The following TMEM126B variants were observed in gnomAD, a reference collection of about 807,000 sequenced individuals.
TMEM126B encodes complex I assembly factor TMEM126B, mitochondrial.
Under a neutral mutation model 16.5 loss-of-function variants are expected in TMEM126B, and 19 were observed. That is an observed-to-expected ratio of 1.15 (90% CI 0.80 to 1.69). The LOEUF is 1.69. Among genes scored for constraint, TMEM126B ranks in the 40% most tolerant of loss-of-function variants. The pLI is 0.00. For synonymous variants in TMEM126B, 104 were observed against 93.2 expected, an observed-to-expected ratio of 1.12 and a Z score of -0.67; for missense variants, 293 against 278.7, an observed-to-expected ratio of 1.05 and a Z score of -0.37.
chr11:85,635,818 TTTC>T (rs749661167), intron 4 of TMEM126B, 40 bp downstream of exon 4: 23 of 1,330,886 alleles, frequency 1.7e-5, no homozygotes, highest in Admixed American at 2.5e-5. Context: ...TTTCTTTTCT[TTTC>T]TTTTTTTTTT....
intron 2 of TMEM126B, among the ~76,000 whole-genome samples, chr11:85,633,169 A>G (rs1372110517): frequency 2.0e-5 from 3 of 152,174 alleles, no homozygotes; most frequent in South Asian, 4.1e-4. Flanking sequence ...TCCATGGTGT[A>G]TATGTGCCAC....
chr11:85,630,787 G>T (rs2082281647), intron 1 of TMEM126B, among the ~76,000 whole-genome samples: 1 of 152,210 alleles, frequency 6.6e-6, no homozygotes, highest in Non-Finnish European at 1.5e-5. Flanking sequence ...TCTGGGGCCG[G>T]GCACGGTGGC....
chr11:85,631,843 T>G (rs780397560), intron 2 of TMEM126B, 35 bp downstream of exon 2: 67 of 1,570,910 alleles, frequency 4.3e-5, no homozygotes, highest in Non-Finnish European at 5.5e-5. Context: ...ATCAGTCATT[T>G]TATTTGCAAG....
intron 1 of TMEM126B, among the ~76,000 whole-genome samples, chr11:85,630,207 G>C (rs1206833737): frequency 6.6e-6 from 1 of 152,186 alleles, no homozygotes; most frequent in Non-Finnish European, 1.5e-5. Flanking sequence ...TCTCAGGAGG[G>C]AATTCATGAG....
chr11:85,634,345 T>C (rs757366883), intron 3 of TMEM126B, 66 bp downstream of exon 3: 1 of 1,112,382 alleles, frequency 9.0e-7, no homozygotes, highest in Non-Finnish European at 1.3e-6. Flanking sequence ...TAACATATAC[T>C]GTTGCTACTG....
rs1287379322 is a variant in TMEM126B at position 85,636,239 on chromosome 11, T to C, written c.*10T>C. The stretch of plus-strand genomic sequence containing the variant: ...TATACATGAAGAGTAACCAAAAAAA[T>C]GAATGGTTGCTAACTTAGCAAAATG... On this transcript the variant is annotated 3_prime_UTR_variant, in exon 5 of 5. Transcript: ENST00000358867. 1 of 1,465,282 alleles carries C rather than the reference T, an allele frequency of 6.8e-7. No homozygotes were observed. Among genetic ancestry groups the C allele is most frequent in the African/African-American group, 1.4e-5 (1 of 70,070 alleles). 90.8% of individuals were successfully genotyped at this position (1,465,282 alleles called of 1,614,324 possible).
intron 3 of TMEM126B, 54 bp downstream of exon 3, chr11:85,634,333 ATT>A: frequency 7.6e-7 from 1 of 1,309,048 alleles, no homozygotes; most frequent in Non-Finnish European, 1.1e-6. Flanking sequence ...AAAGTTACTT[ATT>A]AACATATACT....
At position 85,634,248 on chromosome 11, in the gene TMEM126B, C is replaced by G. The variant is rs1165237226; in HGVS notation, c.366C>G (p.Asp122Glu). ...CATTTTTGTCTACTGTTGTTACTGA[C>G]AAGCTTTTTGTAATTGATGCTTTGT... is the stretch of plus-strand genomic sequence containing the variant. ...TLPFLSTVVTDKLFVIDALYS... is the reference protein window; with the variant it reads ...TLPFLSTVVTEKLFVIDALYS... Residue 122 changes from aspartate to glutamate, a missense_variant, in exon 3 of 5, where the codon GAC becomes GAG. Asp to Glu is a conservative substitution (Grantham distance 45). Coordinates refer to ENST00000358867, the MANE Select transcript of TMEM126B (RefSeq NM_018480.7). 1.9e-6 allele frequency: 3 copies of G among 1,613,424 alleles called. No homozygotes were observed.
chr11:85,635,733 A>C lies in TMEM126B; in HGVS notation c.464A>C (p.Tyr155Ser). ...ATTGGCATAGTTTGTGGTGTTTTCTATCCCAGTTCTTTGGCTTTTACTAAA... is the reference window on the plus strand; with the variant it reads ...ATTGGCATAGTTTGTGGTGTTTTCTCTCCCAGTTCTTTGGCTTTTACTAAA... ...SLIGIVCGVF[Y>S]PSSLAFTKNG... is the part of the protein sequence containing the mutation. Residue 155 changes from tyrosine to serine, a missense_variant, in exon 4 of 5, where the codon TAT becomes TCT. By Grantham distance (144) the Tyr-to-Ser change is moderately radical. Coordinates refer to ENST00000358867, the MANE Select transcript of TMEM126B (RefSeq NM_018480.7). 1 of 1,608,104 alleles carries C rather than the reference A, an allele frequency of 6.2e-7. No homozygotes were observed. The highest frequency in any genetic ancestry group is 8.5e-7 in the Non-Finnish European group (1 of 1,178,552).
Position 85,631,878 on chromosome 11 carries a change from A to G in TMEM126B, c.203+70A>G, listed in dbSNP as rs77232861. ...GTCTTTTGTATTGCCATTGTTTCTA[A>G]GATCCTATTCTTTCTTACCTTTTCT... On this transcript the variant is annotated intron_variant, in intron 2 of 4. Coordinates refer to ENST00000358867, the MANE Select transcript of TMEM126B (RefSeq NM_018480.7). 1.9e-3 allele frequency: 2,835 copies of G among 1,471,412 alleles called. 42 individuals carry two copies. In the African/African-American group the frequency reaches 0.033, roughly 17 times the overall value. 91.1% of individuals were successfully genotyped at this position (1,471,412 alleles called of 1,614,324 possible).
intron 2 of TMEM126B, 92 bp downstream of exon 2, chr11:85,631,900 T>A: frequency 7.6e-7 from 1 of 1,324,110 alleles, no homozygotes; most frequent in South Asian, 1.5e-5. Context: ...TTCTTACCTT[T>A]TCTGTTATCT....
At chr11:85,632,385 A>G (rs2082318844) in intron 2 of TMEM126B, among the ~76,000 whole-genome samples, 1 of 152,208 alleles carries the variant, frequency 6.6e-6, no homozygotes, top group Non-Finnish European at 1.5e-5. Flanking sequence ...CTGGGATTAC[A>G]GGCGTGTACC....
intron 1 of TMEM126B, chr11:85,631,368 C>A: frequency 8.6e-7 from 1 of 1,157,490 alleles, no homozygotes; most frequent in Non-Finnish European, 1.1e-6. Flanking sequence ...TTCAGACCTT[C>A]AGTTTGCTCA....
At chr11:85,629,279 G>C (rs188943497) in intron 1 of TMEM126B, 11 of 1,271,096 alleles carry the variant, frequency 8.7e-6, no homozygotes, top group African/African-American at 1.5e-5. Context: ...TTTATTATTA[G>C]GTGAAAAATT....
rs768932743 is a variant in TMEM126B, at chr11:85,635,755, TAAA to T, written c.489_491del (p.Lys163del). ...TCTATCCCAGTTCTTTGGCTTTTAC[TAAA>T]AATGGACGCCTGGCAACCAAGTAAG... is the stretch of plus-strand genomic sequence containing the variant. On this transcript the variant is annotated inframe_deletion, in exon 4 of 5. Coordinates refer to ENST00000358867, the MANE Select transcript of TMEM126B (RefSeq NM_018480.7). The T allele has an allele frequency of 2.6e-5, 42 of 1,597,390 alleles. No individual in the cohort carries two copies. Among genetic ancestry groups the T allele is most frequent in the Non-Finnish European group, 3.6e-5 (42 of 1,175,162 alleles).
In TMEM126B at chr11:85,634,120, A is replaced by C; in HGVS notation, c.238A>C (p.Thr80Pro). ...TATATATCAAATGGCGACATTTGGAACAACAGCTGGTTTCTCTGGAATATT... is the reference window on the plus strand; with the variant it reads ...TATATATCAAATGGCGACATTTGGACCAACAGCTGGTTTCTCTGGAATATT... The part of the protein sequence containing the change: ...QNIYQMATFG[T>P]TAGFSGIFSN... Residue 80 changes from threonine (T) to proline (P), a missense_variant, in exon 3 of 5, where the codon ACA becomes CCA. Physicochemically the swap from Thr to Pro is conservative, Grantham distance 38. Transcript: ENST00000358867. The C allele has an allele frequency of 6.2e-7, 1 of 1,613,434 alleles. No individual in the cohort carries two copies. The highest frequency in any genetic ancestry group is 8.5e-7 in the Non-Finnish European group (1 of 1,179,850).
rs140327341 is a variant in TMEM126B, at chr11:85,634,109, C to T, written c.227C>T (p.Ala76Val). The T allele has an allele frequency of 5.8e-5, 93 of 1,612,670 alleles. No individual in the cohort carries two copies. Among genetic ancestry groups the T allele is most frequent in the Admixed American group, 1.0e-4 (6 of 59,870 alleles). The change falls in exon 3 of 5, where the codon GCG becomes GTG. Residue 76 changes from alanine to valine, a missense_variant. Physicochemically the swap from Ala to Val is moderately conservative, Grantham distance 64 (BLOSUM62 0). Transcript: ENST00000358867. ...KEMTQNIYQM[A>V]TFGTTAGFSG... is the part of the protein sequence containing the mutation. ...AGGACACAAAATATATATCAAATGG[C>T]GACATTTGGAACAACAGCTGGTTTC...
Position 85,635,670 on chromosome 11 carries a change from A to C in TMEM126B, c.401A>C (p.Asn134Thr). 1 of 1,603,754 alleles carries C rather than the reference A, an allele frequency of 6.2e-7. No homozygotes were observed. The stretch of plus-strand genomic sequence containing the variant: ...CAAATTTACTTTTGTTTTCCAGATA[A>C]TATAAGCAAGGAAAACTGTGTTTTC... ...LFVIDALYSD[N>T]ISKENCVFRS... is the part of the protein sequence containing the mutation. Residue 134 changes from asparagine (N) to threonine (T), a missense_variant, in exon 4 of 5, where the codon AAT becomes ACT. Transcript: ENST00000358867.
chr11:85,630,107 A>C (rs2082256416), intron 1 of TMEM126B, among the ~76,000 whole-genome samples: 1 of 152,226 alleles, frequency 6.6e-6, no homozygotes, highest in East Asian at 1.9e-4. Context: ...GTGATATTCA[A>C]CATGTGTCCA....
Sources: gnomAD v4.1 joint callset for allele counts (sites outside exome capture counted in the v4.1 genomes callset) on GRCh38, gnomAD v4.1.1 for gene constraint, MANE v1.5 for transcripts, NCBI Gene and HGNC (gene_info 2026-07-23, HGNC 2026-07-21) for gene names.